The following WDR59 variants were observed in gnomAD, a reference collection of about 807,000 sequenced individuals.
WDR59 encodes GATOR2 complex protein WDR59.
Under a neutral mutation model 131.2 loss-of-function variants are expected in WDR59, and 100 were observed. The ratio of observed to expected loss-of-function variants is 0.76; its 90% confidence interval spans 0.65 to 0.90. WDR59 has a LOEUF of 0.90. WDR59 is among the 40% of genes least tolerant of loss of function. The pLI is 0.00. For synonymous variants in WDR59, 601 were observed against 466.2 expected, an observed-to-expected ratio of 1.29 and a Z score of -3.72; for missense variants, 1,203 against 1,262.2, an observed-to-expected ratio of 0.95 and a Z score of 0.71.
At chr16:74,931,026 T>C (rs1277223747) in intron 8 of WDR59, among the ~76,000 whole-genome samples, 1 of 151,822 alleles carries the variant, frequency 6.6e-6, no homozygotes, top group Admixed American at 6.6e-5. Flanking sequence ...CTAATGAAGA[T>C]GAATCCCTGG....
rs367955131 is a variant in WDR59 at position 74,886,367 on chromosome 16, G to C, written c.2449C>G (p.Pro817Ala). 4 of 1,613,662 alleles carry C rather than the reference G, an allele frequency of 2.5e-6. No homozygotes were observed. The African/African-American group carries it at 4.0e-5, about 16-fold the overall frequency. Residue 817 changes from proline to alanine, a missense_variant, in exon 24 of 26, where the codon CCT becomes GCT. Physicochemically the swap from Pro to Ala is conservative, Grantham distance 27. Transcript: ENST00000262144. Reference protein sequence around the residue: ...AGREAEHLSSPWGESSPEELR... With the variant: ...AGREAEHLSSAWGESSPEELR... ...TCTTCTGGTGAGGATTCTCCCCAAGGGGAGGACAAGTGCTCTGCCTCTCTT... is the reference window on the plus strand; with the variant it reads ...TCTTCTGGTGAGGATTCTCCCCAAGCGGAGGACAAGTGCTCTGCCTCTCTT...
Position 74,977,885 on chromosome 16 carries a change from C to G in WDR59, c.54+7079G>C, listed in dbSNP as rs886538862. On this transcript the variant is annotated intron_variant, in intron 1 of 25. Coordinates refer to ENST00000262144, the MANE Select transcript of WDR59 (RefSeq NM_030581.4). Reference sequence around the variant, plus strand: ...ATGCACTAACAGATAGGCTCAACAACAAGAATGAATCTCAAAAGCACTAGG... The same window carrying G: ...ATGCACTAACAGATAGGCTCAACAAGAAGAATGAATCTCAAAAGCACTAGG... Among the ~76,000 whole-genome samples the G allele has an allele frequency of 1.6e-4, 25 of 152,104 alleles. 1 individual carries two copies. Among genetic ancestry groups the G allele is most frequent in the Non-Finnish European group, 4.4e-5 (3 of 68,016 alleles).
At chr16:74,889,671 C>T (rs753171742) in intron 21 of WDR59, 32 bp downstream of exon 21, 3 of 1,568,358 alleles carry the variant, frequency 1.9e-6, no homozygotes, top group Non-Finnish European at 2.6e-6. Context: ...GGACATCACT[C>T]ATTTTTCTCA....
chr16:74,892,693 G>T, intron 19 of WDR59, 128 bp from the exon 20 acceptor site: 1 of 747,360 alleles, frequency 1.3e-6, no homozygotes, highest in Non-Finnish European at 2.1e-6. Flanking sequence ...ATTCCGCGTT[G>T]GCCTTGGGCC....
chr16:74,959,254 A>G, intron 2 of WDR59: 1 of 277,124 alleles, frequency 3.6e-6, no homozygotes, highest in Non-Finnish European at 7.1e-6. Context: ...CTCAGGAGAA[A>G]ATAACCAGCC....
intron 7 of WDR59, among the ~76,000 whole-genome samples, chr16:74,938,893 A>G (rs2032009378): frequency 6.6e-6 from 1 of 151,958 alleles, no homozygotes; most frequent in African/African-American, 2.4e-5. Flanking sequence ...ATGATCACCC[A>G]AGAAGAGAGA....
chr16:74,951,687 CA>C (rs1408090538), intron 3 of WDR59, 144 bp from the exon 4 acceptor site: 8 of 698,650 alleles, frequency 1.1e-5, no homozygotes, highest in Non-Finnish European at 2.0e-5. Context: ...AAAAAGCCAT[CA>C]GGAATAAGTA....
rs2034413932 is a variant in WDR59, at chr16:74,981,631, TATATATATATATATATATATATATATA to T, written c.54+3306_54+3332del. On this transcript the variant is annotated intron_variant, in intron 1 of 25. Transcript: ENST00000262144. ...ACATTTACATATATATATATATATA[TATATATATATATATATATATATATATA>T]TATTTTTTTTTTTTTTAGATGGAGT... is the stretch of plus-strand genomic sequence containing the variant. Among the ~76,000 whole-genome samples the T allele has an allele frequency of 2.1e-3, 12 of 5,798 alleles. 1 individual carries two copies. Among genetic ancestry groups the T allele is most frequent in the Non-Finnish European group, 4.0e-3 (10 of 2,526 alleles). The allele number at this position is 5,798 out of a possible 152,430, so 3.8% of individuals were successfully genotyped here.
At position 74,897,626 on chromosome 16, in the gene WDR59, A is replaced by AGCT. The variant is rs563169765; in HGVS notation, c.1867-3817_1867-3815dup. On this transcript the variant is annotated intron_variant, in intron 18 of 25. Transcript: ENST00000262144. Reference sequence around the variant, plus strand: ...AGAGGTGCTTTATGAAACCTCACTCAGCTGCCTTTAAGCCTGCCATAAGGG... The same window carrying AGCT: ...AGAGGTGCTTTATGAAACCTCACTCAGCTGCTGCCTTTAAGCCTGCCATAAGGG... Among the ~76,000 whole-genome samples the AGCT allele has an allele frequency of 2.0e-4, 31 of 152,324 alleles. No individual in the cohort carries two copies. In the South Asian group the frequency reaches 6.4e-3, roughly 32 times the overall value.
chr16:74,877,543 A>AT (rs1188623341), intron 25 of WDR59, among the ~76,000 whole-genome samples: 2 of 151,986 alleles, frequency 1.3e-5, no homozygotes, highest in East Asian at 3.9e-4. Context: ...TGATTGATTG[A>AT]TTTTTATTTA....
At chr16:74,960,348 A>T (rs1471113069) in intron 2 of WDR59, among the ~76,000 whole-genome samples, 1 of 151,946 alleles carries the variant, frequency 6.6e-6, no homozygotes, top group African/African-American at 2.4e-5. Flanking sequence ...GAAAGAAGCT[A>T]AAGTTTAAAA....
intron 8 of WDR59, among the ~76,000 whole-genome samples, chr16:74,935,149 G>C (rs1242940885): frequency 1.3e-5 from 2 of 151,974 alleles, no homozygotes; most frequent in African/African-American, 4.8e-5. Flanking sequence ...AGAATTGCTT[G>C]AACCTGGGAG....
At chr16:74,887,624 T>C in intron 23 of WDR59, 59 bp downstream of exon 23, 1 of 1,503,636 alleles carries the variant, frequency 6.7e-7, no homozygotes, top group African/African-American at 1.4e-5. Flanking sequence ...AAAGGTTACA[T>C]ATGCACAGCT....
intron 10 of WDR59, among the ~76,000 whole-genome samples, 198 bp from the exon 11 acceptor site, chr16:74,918,206 T>G (rs1430766833): frequency 6.6e-6 from 1 of 152,088 alleles, no homozygotes; most frequent in Non-Finnish European, 1.5e-5. Flanking sequence ...CGCATTCCAG[T>G]GGTAGAAAGA....
At chr16:74,937,541 G>GC (rs1555500536) in intron 8 of WDR59, among the ~76,000 whole-genome samples, 1 of 152,028 alleles carries the variant, frequency 6.6e-6, no homozygotes, top group Non-Finnish European at 1.5e-5. Context: ...TCGCTCGGTC[G>GC]CCCAGGTTGG....
At chr16:74,981,668 T>A (rs2034433516) in intron 1 of WDR59, among the ~76,000 whole-genome samples, 1 of 78,074 alleles carries the variant, frequency 1.3e-5, no homozygotes, top group African/African-American at 6.4e-5. Context: ...ATATTTTTTT[T>A]TTTTTTAGAT....
At chr16:74,908,873 G>C (rs1339464025) in intron 17 of WDR59, 35 bp downstream of exon 17, 2 of 1,601,560 alleles carry the variant, frequency 1.2e-6, no homozygotes, top group Non-Finnish European at 1.7e-6. Flanking sequence ...CTGGCCCCGG[G>C]AACGTAGAGC....
At position 74,919,367 on chromosome 16, in the gene WDR59, G is replaced by A. The variant is rs980542596; in HGVS notation, c.887-1359C>T. 8.0e-5 allele frequency among the ~76,000 whole-genome samples: 12 copies of A among 150,170 alleles called. No homozygotes were observed. In the East Asian group the frequency reaches 2.3e-3, roughly 29 times the overall value. On this transcript the variant is annotated intron_variant, in intron 10 of 25. Transcript: ENST00000262144. ...GTATTTTGAGATAGGGTCTCACTTT[G>A]TCACTCAAGCTGGAGTGCAGTGATG...
intron 2 of WDR59, among the ~76,000 whole-genome samples, chr16:74,961,556 A>G (rs773775509): frequency 1.1e-4 from 16 of 152,104 alleles, no homozygotes; most frequent in Non-Finnish European, 2.2e-4. Flanking sequence ...AGTAATGATG[A>G]GCTTTTTTTC....
Sources: allele counts gnomAD v4.1 joint callset (sites outside exome capture counted in the v4.1 genomes callset), GRCh38; gene constraint gnomAD v4.1.1; transcripts MANE v1.5; gene names NCBI Gene and HGNC (gene_info 2026-07-23, HGNC 2026-07-21).